NUFIP2: variants seen among roughly 807,000 people sequenced by gnomAD.
NUFIP2 encodes the protein nuclear FMR1 interacting protein 2.
In NUFIP2, 6 loss-of-function variants were observed where a neutral mutation model predicts 56.9. That is an observed-to-expected ratio of 0.11 (90% CI 0.06 to 0.21). The LOEUF is 0.21. NUFIP2 is among the 10% of genes least tolerant of loss of function. NUFIP2 has a pLI of 1.00. For synonymous variants in NUFIP2, 321 were observed against 298.2 expected (o/e 1.08, Z -0.79); for missense variants, 828 against 826.8 (o/e 1.00, Z -0.02).
intron 2 of NUFIP2, among the ~76,000 whole-genome samples, chr17:29,277,960 C>T (rs1223566238): frequency 6.6e-6 from 1 of 151,852 alleles, no homozygotes; most frequent in Non-Finnish European, 1.5e-5. Flanking sequence ...AGCAGTGAGC[C>T]GAGATCGCGC....
chr17:29,260,264 T>C lies in NUFIP2; in HGVS notation c.*4275A>G, dbSNP rs913850318. The stretch of plus-strand genomic sequence containing the variant: ...TAAGTCATGGGTAGGGTTATTAAGA[T>C]ACTGCCCTATCAGACTCTACCTTGA... On this transcript the variant is annotated 3_prime_UTR_variant, in exon 4 of 4. Coordinates refer to ENST00000225388, the MANE Select transcript of NUFIP2 (RefSeq NM_020772.3). The C allele has an allele frequency of 2.0e-5, 3 of 152,130 alleles. No homozygotes were observed. The highest frequency in any genetic ancestry group is 7.2e-5 in the African/African-American group (3 of 41,424). 9.4% of individuals were successfully genotyped at this position (152,130 alleles called of 1,614,324 possible).
rs2069017046 is a variant in NUFIP2, at chr17:29,263,693, A to G, written c.*846T>C. ...TATACAATTACATTAAAATATGGGC[A>G]CAGGAATATTTTTCCAGATTGTATA... On this transcript the variant is annotated 3_prime_UTR_variant, in exon 4 of 4. Transcript: ENST00000225388. 1 of 152,638 alleles carries G rather than the reference A, an allele frequency of 6.6e-6. No individual in the cohort carries two copies. Among genetic ancestry groups the G allele is most frequent in the African/African-American group, 2.4e-5 (1 of 41,458 alleles). The allele number at this position is 152,638 out of a possible 1,614,324, so 9.5% of individuals were successfully genotyped here. A position where few individuals can be genotyped will look rare whatever the true frequency, so the allele number is the denominator to read the frequency against.
chr17:29,277,146 T>C (rs1184047339), intron 2 of NUFIP2, among the ~76,000 whole-genome samples: 1 of 152,080 alleles, frequency 6.6e-6, no homozygotes, highest in Non-Finnish European at 1.5e-5. Context: ...TGCCTAAGCC[T>C]CCGGAGTAGC....
In NUFIP2 at chr17:29,261,491, G is replaced by C. The variant is rs901414090; in HGVS notation, c.*3048C>G. On this transcript the variant is annotated 3_prime_UTR_variant, in exon 4 of 4. Coordinates refer to ENST00000225388, the MANE Select transcript of NUFIP2 (RefSeq NM_020772.3). ...AAAAATCCCCTCTAGACTGTATTTGGTTTATGCTACAGTACTAATACTCTG... is the reference window on the plus strand; with the variant it reads ...AAAAATCCCCTCTAGACTGTATTTGCTTTATGCTACAGTACTAATACTCTG... The C allele has an allele frequency of 2.6e-5, 4 of 151,830 alleles. No individual in the cohort carries two copies. The highest frequency in any genetic ancestry group is 9.7e-5 in the African/African-American group (4 of 41,328). The allele number at this position is 151,830 out of a possible 1,614,324, so 9.4% of individuals were successfully genotyped here. A position where few individuals can be genotyped will look rare whatever the true frequency, so the allele number is the denominator to read the frequency against.
intron 2 of NUFIP2, among the ~76,000 whole-genome samples, chr17:29,275,125 TCTC>T: frequency 1.3e-5 from 2 of 152,132 alleles, no homozygotes; most frequent in Middle Eastern, 3.4e-3. Context: ...TTCAGGCAAT[TCTC>T]CTGCCTCAGC....
intron 2 of NUFIP2, among the ~76,000 whole-genome samples, chr17:29,282,361 C>T (rs2069145458): frequency 6.6e-6 from 1 of 151,504 alleles, no homozygotes; most frequent in Admixed American, 6.6e-5. Context: ...CCAGCCTGAC[C>T]AACACGGTAA....
chr17:29,293,947 AAAT>A lies in NUFIP2; in HGVS notation c.110_112del (p.Tyr37del). On this transcript the variant is annotated inframe_deletion, in exon 1 of 4. Transcript: ENST00000225388. ...GTGGTGGTTGTGGCTGTGGTTGTAGAAATAATAATGGTGGTGGTGGTGCGGCTG... is the reference window on the plus strand; with the variant it reads ...GTGGTGGTTGTGGCTGTGGTTGTAGAAATAATGGTGGTGGTGGTGCGGCTG... 1 of 1,612,918 alleles carries A rather than the reference AAAT, an allele frequency of 6.2e-7. No homozygotes were observed. The highest frequency in any genetic ancestry group is 8.5e-7 in the Non-Finnish European group (1 of 1,179,260).
rs186536865 is a variant in NUFIP2, at chr17:29,263,329, T to C, written c.*1210A>G. 5.6e-3 allele frequency: 862 copies of C among 152,684 alleles called. 11 individuals are homozygous for C. The highest frequency in any genetic ancestry group is 5.5e-3 in the Non-Finnish European group (375 of 68,016). 9.5% of individuals were successfully genotyped at this position (152,684 alleles called of 1,614,324 possible). ...AAATTTCCAGAATTTCACATTATTT[T>C]CCTTAAAAACCCATCTTGCTCTAGT... On this transcript the variant is annotated 3_prime_UTR_variant, in exon 4 of 4. Coordinates refer to ENST00000225388, the MANE Select transcript of NUFIP2 (RefSeq NM_020772.3).
intron 1 of NUFIP2, among the ~76,000 whole-genome samples, chr17:29,291,048 A>G (rs1034584671): frequency 5.9e-5 from 9 of 151,816 alleles, no homozygotes; most frequent in Non-Finnish European, 1.2e-4. Context: ...AAAAAAAAAA[A>G]AAAAAGAAAA....
intron 2 of NUFIP2, among the ~76,000 whole-genome samples, chr17:29,279,792 C>T (rs577249942): frequency 6.6e-6 from 1 of 152,216 alleles, no homozygotes; most frequent in South Asian, 2.1e-4. Flanking sequence ...GGATTATAGG[C>T]AAGAGCCACA....
chr17:29,278,338 C>T (rs2153011781), intron 2 of NUFIP2, among the ~76,000 whole-genome samples: 1 of 152,136 alleles, frequency 6.6e-6, no homozygotes, highest in Admixed American at 6.5e-5. Context: ...GCTCCACCTC[C>T]CGGGTTCACG....
At position 29,283,224 on chromosome 17, in the gene NUFIP2, C is replaced by CATAA. The variant is rs1384522437; in HGVS notation, c.2002+2764_2002+2767dup. On this transcript the variant is annotated intron_variant, in intron 2 of 3. Transcript: ENST00000225388. ...AGCTAGCCCATGGATAGGGAAAATGCATAAAGAGTAAATTCAGGTTAACAT... is the reference window on the plus strand; with the variant it reads ...AGCTAGCCCATGGATAGGGAAAATGCATAAATAAAGAGTAAATTCAGGTTAACAT... 2.0e-5 allele frequency among the ~76,000 whole-genome samples: 3 copies of CATAA among 152,204 alleles called. No homozygotes were observed. In the East Asian group the frequency reaches 5.8e-4, roughly 29 times the overall value.
rs749220354 is a variant in NUFIP2, at chr17:29,287,566, G to C, written c.428C>G (p.Thr143Ser). Residue 143 changes from threonine (T) to serine (S), a missense_variant, in exon 2 of 4, where the codon ACC becomes AGC. Physicochemically the swap from Thr to Ser is moderately conservative, Grantham distance 58. Coordinates refer to ENST00000225388, the MANE Select transcript of NUFIP2 (RefSeq NM_020772.3). ...GGTTTTAATTCCTGCTTTCCCAAAG[G>C]TGTTGGCCTTTACAGTCTGCTTCAG... ...TSLKQTVKAN[T>S]FGKAGIKTKN... 2 of 1,613,808 alleles carry C rather than the reference G, an allele frequency of 1.2e-6. No homozygotes were observed. The highest frequency in any genetic ancestry group is 1.7e-6 in the Non-Finnish European group (2 of 1,180,010).
In NUFIP2 at chr17:29,261,633, T is replaced by G. The variant is rs1418057027; in HGVS notation, c.*2906A>C. The G allele has an allele frequency of 6.6e-6, 1 of 152,582 alleles. No homozygotes were observed. The highest frequency in any genetic ancestry group is 2.4e-5 in the African/African-American group (1 of 41,446). The allele number at this position is 152,582 out of a possible 1,614,324, so 9.5% of individuals were successfully genotyped here. A position where few individuals can be genotyped will look rare whatever the true frequency, so the allele number is the denominator to read the frequency against. ...AAATAATCAGAAAACAGATCAACTC[T>G]TAAGATTTTTTTTTAATAAGTGCTC... On this transcript the variant is annotated 3_prime_UTR_variant, in exon 4 of 4. Coordinates refer to ENST00000225388, the MANE Select transcript of NUFIP2 (RefSeq NM_020772.3).
Position 29,286,501 on chromosome 17 carries a change from T to A in NUFIP2, c.1493A>T (p.Asn498Ile). Reference sequence around the variant, plus strand: ...CTGATTCTGGAAGATATCCCCCAGGTTTTGCTGATCTGTCTGAGAGGGCAG... The same window carrying A: ...CTGATTCTGGAAGATATCCCCCAGGATTTGCTGATCTGTCTGAGAGGGCAG... Reference protein sequence around the residue: ...VDLPSQTDQQNLGDIFQNQWG... With the variant: ...VDLPSQTDQQILGDIFQNQWG... The change falls in exon 2 of 4, where the codon AAC becomes ATC. Residue 498 changes from asparagine to isoleucine, a missense_variant. By Grantham distance (149) the Asn-to-Ile change is moderately radical (BLOSUM62 -3). Around this residue, in one of 3 missense-constraint regions of NUFIP2, gnomAD observed 404 missense variants for 380.3 expected, o/e 1.06. Transcript: ENST00000225388. The A allele has an allele frequency of 6.2e-7, 1 of 1,614,224 alleles. No individual in the cohort carries two copies. The highest frequency in any genetic ancestry group is 1.7e-5 in the Admixed American group (1 of 60,022).
intron 1 of NUFIP2, among the ~76,000 whole-genome samples, chr17:29,290,096 G>T (rs2069201731): frequency 6.6e-6 from 1 of 151,844 alleles, no homozygotes; most frequent in Admixed American, 6.6e-5. Context: ...CGTTGGCCTG[G>T]CTGGTTTCGA....
intron 3 of NUFIP2, among the ~76,000 whole-genome samples, chr17:29,266,248 T>C (rs2069035780): frequency 6.6e-6 from 1 of 152,144 alleles, no homozygotes. Flanking sequence ...ATTCCAGGCG[T>C]GAGCCACCGT....
At chr17:29,273,631 A>G (rs939724443) in intron 2 of NUFIP2, among the ~76,000 whole-genome samples, 5 of 152,236 alleles carry the variant, frequency 3.3e-5, no homozygotes, top group Admixed American at 1.3e-4. Flanking sequence ...CAGACCTAAT[A>G]GAACGTAAGT....
intron 2 of NUFIP2, among the ~76,000 whole-genome samples, chr17:29,284,476 T>C (rs1172231241): frequency 5.3e-5 from 8 of 151,236 alleles, no homozygotes; most frequent in Admixed American, 2.0e-4. Context: ...GAGACCCAGG[T>C]GGGTGGATCA....
Sources: allele counts gnomAD v4.1 joint callset (sites outside exome capture counted in the v4.1 genomes callset), GRCh38; gene constraint gnomAD v4.1.1; regional missense constraint gnomAD v4.1.1; transcripts MANE v1.5; gene names NCBI Gene and HGNC (gene_info 2026-07-23, HGNC 2026-07-21).